MCM3AP: variants seen among roughly 807,000 people sequenced by gnomAD.
The protein encoded by MCM3AP is minichromosome maintenance complex component 3 associated protein, also known as germinal-center associated nuclear protein.
In MCM3AP, 126 loss-of-function variants were observed where a neutral mutation model predicts 184.1. The ratio of observed to expected loss-of-function variants is 0.68; its 90% CI spans 0.59 to 0.79. The LOEUF (loss-of-function observed/expected upper bound fraction) is 0.79. Among genes scored for constraint, MCM3AP ranks in the 30% least tolerant of loss-of-function variants. The pLI is 0.00. For synonymous variants in MCM3AP, 1,002 were observed against 979.3 expected, an observed-to-expected ratio of 1.02 and a Z score of -0.43; for missense variants, 2,496 against 2,479.2, an observed-to-expected ratio of 1.01 and a Z score of -0.14.
At position 46,244,857 on chromosome 21, in the gene MCM3AP, T is replaced by C; in HGVS notation, c.4988A>G (p.Gln1663Arg). Residue 1663 changes from glutamine to arginine, a missense_variant, in exon 23 of 28, where the codon CAG (glutamine) becomes CGG (arginine). Transcript: ENST00000291688. ...CGGAAGCTGGAACCCGAGCACAGCCTGCTTCAGCCAGGCCAGGTGCTCTGG... is the reference window on the plus strand; with the variant it reads ...CGGAAGCTGGAACCCGAGCACAGCCCGCTTCAGCCAGGCCAGGTGCTCTGG... The part of the protein sequence containing the change: ...NAPEHLAWLK[Q>R]AVLGFQLPQM... 1 of 1,614,206 alleles carries C rather than the reference T, an allele frequency of 6.2e-7. No individual in the cohort carries two copies. Among genetic ancestry groups the C allele is most frequent in the Non-Finnish European group, 8.5e-7 (1 of 1,180,030 alleles).
intron 2 of MCM3AP, 127 bp from the exon 3 acceptor site, chr21:46,280,702 G>C (rs117129649): frequency 1.5e-6 from 1 of 649,270 alleles, no homozygotes; most frequent in Admixed American, 2.6e-5. Context: ...TCCTTTGCAC[G>C]ACAGTGATTT....
At chr21:46,260,745 G>C (rs1324450300) in intron 15 of MCM3AP, 48 bp downstream of exon 15, 1 of 1,362,546 alleles carries the variant, frequency 7.3e-7, no homozygotes, top group East Asian at 2.3e-5. Context: ...CTAGGGCAGA[G>C]CCAAAGCTCA....
Position 46,244,780 on chromosome 21 carries a change from C to A in MCM3AP, c.5038+27G>T, listed in dbSNP as rs763285409. The A allele has an allele frequency of 8.4e-5, 133 of 1,575,654 alleles. 1 individual carries two copies. The South Asian group carries it at 1.5e-3, about 18-fold the overall frequency. ...CCTGAGACTTGGCTGCAGCCACCCA[C>A]CAGACCTCCCCAGGTCAAGCACGTA... On this transcript the variant is annotated intron_variant, in intron 23 of 27. Transcript: ENST00000291688.
chr21:46,258,939 C>G lies in MCM3AP; in HGVS notation c.3734G>C (p.Arg1245Pro), dbSNP rs777281259. 3 of 1,613,954 alleles carry G rather than the reference C, an allele frequency of 1.9e-6. No individual in the cohort carries two copies. The highest frequency in any genetic ancestry group is 2.5e-6 in the Non-Finnish European group (3 of 1,180,008). The part of the protein sequence containing the change: ...ELQCFCKYLQ[R>P]WREAVTARKK... ...TTGCCTGTAGGAACACAGGACTCAC[C>G]GCTGTAGATACTTGCAGAAGCACTG... The change falls in exon 16 of 28, where the codon CGG becomes CCG. Residue 1245 changes from arginine (R) to proline (P), a missense_variant and splice_region_variant. Physicochemically the swap from Arg to Pro is moderately radical, Grantham distance 103 (BLOSUM62 -2). Coordinates refer to ENST00000291688, the MANE Select transcript of MCM3AP (RefSeq NM_003906.5).
rs924576396 is a variant in MCM3AP at position 46,248,251 on chromosome 21, T to G, written c.4291-1365A>C. 2.0e-5 allele frequency among the ~76,000 whole-genome samples: 3 copies of G among 152,240 alleles called. No individual in the cohort carries two copies. The South Asian group carries it at 6.2e-4, about 32-fold the overall frequency. ...AACCTCTATGCAAAACCAGTCCCCC[T>G]GGGCCCCTGAACAGGAGTCCTGAGA... On this transcript the variant is annotated intron_variant, in intron 20 of 27. Transcript: ENST00000291688.
In MCM3AP at chr21:46,284,563, A is replaced by G. The variant is rs754640884; in HGVS notation, c.724T>C (p.Phe242Leu). Residue 242 changes from phenylalanine to leucine, a missense_variant, in exon 1 of 28, where the codon TTT becomes CTT. Physicochemically the swap from Phe to Leu is conservative, Grantham distance 22. Around this residue, in one of 5 missense-constraint regions of MCM3AP, gnomAD observed 800 missense variants for 717.1 expected, o/e 1.12. Transcript: ENST00000291688. ...CTGAAGCTATTATTAGAACTTCCAA[A>G]TATTGACTTAGGTCCTCTCTTCTCT... Reference protein sequence around the residue: ...EEEKRGPKSIFGSSNNSFSSF... With the variant: ...EEEKRGPKSILGSSNNSFSSF... 2 of 1,614,106 alleles carry G rather than the reference A, an allele frequency of 1.2e-6. No homozygotes were observed. Among genetic ancestry groups the G allele is most frequent in the East Asian group, 4.5e-5 (2 of 44,902 alleles).
intron 26 of MCM3AP, among the ~76,000 whole-genome samples, chr21:46,237,238 ATT>A (rs2080557374): frequency 5.3e-5 from 8 of 150,880 alleles, no homozygotes; most frequent in Non-Finnish European, 1.2e-4. Flanking sequence ...AGTAGCTGGG[ATT>A]ATAGGCAAGT....
At chr21:46,262,505 G>A (rs922243703) in intron 13 of MCM3AP, among the ~76,000 whole-genome samples, 7 of 152,076 alleles carry the variant, frequency 4.6e-5, no homozygotes, top group East Asian at 1.9e-4. Flanking sequence ...AAAATTAGCC[G>A]GGTATGGTAG....
chr21:46,279,684 G>A (rs957420742), intron 4 of MCM3AP, among the ~76,000 whole-genome samples: 1 of 151,860 alleles, frequency 6.6e-6, no homozygotes, highest in Admixed American at 6.6e-5. Flanking sequence ...CAGCAACCTT[G>A]GCCCTAGGGT....
chr21:46,282,840 T>C (rs752569406), intron 2 of MCM3AP, among the ~76,000 whole-genome samples: 15 of 152,084 alleles, frequency 9.9e-5, no homozygotes, highest in Non-Finnish European at 1.9e-4. Flanking sequence ...GAAAGTATTA[T>C]GCATACATTT....
In MCM3AP at chr21:46,246,653, G is replaced by A. The variant is rs927957002; in HGVS notation, c.4524C>T (p.Asp1508=). 14 of 1,610,734 alleles carry A rather than the reference G, an allele frequency of 8.7e-6. No homozygotes were observed. Among genetic ancestry groups the A allele is most frequent in the East Asian group, 2.2e-5 (1 of 44,776 alleles). ...LVVLVPSPGG[D]AVEKEVEDGL... is the part of the protein sequence containing the mutation. Reference sequence around the variant, plus strand: ...CATCTTCTACTTCCTTCTCAACGGCGTCCCCTCCTGGGCTAGGCACAAGAA... The same window carrying A: ...CATCTTCTACTTCCTTCTCAACGGCATCCCCTCCTGGGCTAGGCACAAGAA... The change falls in exon 21 of 28, where the codon GAC becomes GAT. Residue 1508 remains aspartate, a synonymous_variant. Transcript: ENST00000291688.
chr21:46,283,845 G>T lies in MCM3AP; in HGVS notation c.1220-7C>A. ...GGAGTTCCTCTTAGAGAATCTAGGG[G>T]TTCAGAGAATGGACACTTAAACCAT... On this transcript the variant is annotated splice_polypyrimidine_tract_variant and splice_region_variant and intron_variant, in intron 1 of 27. Transcript: ENST00000291688. 6.2e-7 allele frequency: 1 copy of T among 1,607,670 alleles called. No individual in the cohort carries two copies. The highest frequency in any genetic ancestry group is 1.3e-5 in the African/African-American group (1 of 74,886).
chr21:46,281,189 G>A (rs1365211994), intron 2 of MCM3AP, among the ~76,000 whole-genome samples: 3 of 152,130 alleles, frequency 2.0e-5, no homozygotes, highest in African/African-American at 7.2e-5. Flanking sequence ...CTCACCAGCT[G>A]ATCACACATA....
Position 46,246,793 on chromosome 21 carries a change from G to A in MCM3AP, c.4384C>T (p.Pro1462Ser), listed in dbSNP as rs749904616. Residue 1462 changes from proline (P) to serine (S), a missense_variant, in exon 21 of 28, where the codon CCC (proline) becomes TCC (serine). Coordinates refer to ENST00000291688, the MANE Select transcript of MCM3AP (RefSeq NM_003906.5). ...GCCATGTCCTCACTCTTCATTTTGG[G>A]GGGAAGCAGCAGCATGAGCCCACTG... ...GASGLMLLLPPKMKSEDMAEE... is the reference protein window; with the variant it reads ...GASGLMLLLPSKMKSEDMAEE... 2.5e-6 allele frequency: 4 copies of A among 1,614,198 alleles called. No individual in the cohort carries two copies. The highest frequency in any genetic ancestry group is 2.2e-5 in the East Asian group (1 of 44,876).
Position 46,273,510 on chromosome 21 carries a change from G to A in MCM3AP, c.2074C>T (p.Arg692Trp). Residue 692 changes from arginine (R) to tryptophan (W), a missense_variant, in exon 7 of 28, where the codon CGG (arginine) becomes TGG (tryptophan). Physicochemically the swap from Arg to Trp is moderately radical, Grantham distance 101 (BLOSUM62 -3). Coordinates refer to ENST00000291688, the MANE Select transcript of MCM3AP (RefSeq NM_003906.5). ...DQEEPLPHEL[R>W]PLPVLSRTMD... Reference sequence around the variant, plus strand: ...GTCCTGCTGAGCACTGGCAAGGGCCGCAGCTCGTGGGGCAGGGGCTCCTCC... The same window carrying A: ...GTCCTGCTGAGCACTGGCAAGGGCCACAGCTCGTGGGGCAGGGGCTCCTCC... 1 of 1,613,890 alleles carries A rather than the reference G, an allele frequency of 6.2e-7. No individual in the cohort carries two copies. Among genetic ancestry groups the A allele is most frequent in the Non-Finnish European group, 8.5e-7 (1 of 1,179,842 alleles).
In MCM3AP at chr21:46,260,879, T is replaced by A. The variant is rs1444656317; in HGVS notation, c.3495A>T (p.Leu1165Phe). 9 of 1,613,600 alleles carry A rather than the reference T, an allele frequency of 5.6e-6. No homozygotes were observed. The highest frequency in any genetic ancestry group is 4.5e-5 in the East Asian group (2 of 44,886). The part of the protein sequence containing the change: ...ERLKQERELV[L>F]SELSQGLAVE... ...CGGCCAGGCCCTGGCTCAGCTCACT[T>A]AACACCAGCTCTCTCTCTTGTTTCA... Residue 1165 changes from leucine to phenylalanine, a missense_variant, in exon 15 of 28, where the codon TTA becomes TTT. Physicochemically the swap from Leu to Phe is conservative, Grantham distance 22. Coordinates refer to ENST00000291688, the MANE Select transcript of MCM3AP (RefSeq NM_003906.5).
chr21:46,252,228 T>A (rs1215575375), intron 19 of MCM3AP: 1 of 152,320 alleles, frequency 6.6e-6, no homozygotes, highest in African/African-American at 2.4e-5. Context: ...TGGAACTGGC[T>A]CATTCTAATG....
chr21:46,259,304 A>T (rs2081005803), intron 15 of MCM3AP: 4 of 374,668 alleles, frequency 1.1e-5, no homozygotes, highest in Non-Finnish European at 1.9e-5. Context: ...AAATACAAAA[A>T]AATTAGCCTG....
intron 19 of MCM3AP, 23 bp from the exon 20 acceptor site, chr21:46,251,705 AAAC>A (rs757930031): frequency 2.1e-5 from 30 of 1,413,722 alleles, no homozygotes; most frequent in Admixed American, 1.9e-4. Flanking sequence ...AAAAAACAAA[AAAC>A]AAAAAAAACA....
Sources: allele counts gnomAD v4.1 joint callset (sites outside exome capture counted in the v4.1 genomes callset), GRCh38; gene constraint gnomAD v4.1.1; regional missense constraint gnomAD v4.1.1; transcripts MANE v1.5; gene names NCBI Gene and HGNC (gene_info 2026-07-23, HGNC 2026-07-21).